The following STIL variants were observed in gnomAD, a reference collection of about 807,000 sequenced individuals.
STIL encodes the protein SCL-interrupting locus protein.
STIL carries 55 observed loss-of-function variants against 110.1 expected under a neutral mutation model. The observed-to-expected ratio is 0.50, with a 90% confidence interval of 0.40 to 0.63. The LOEUF (loss-of-function observed/expected upper bound fraction) is 0.63, where lower values mean the gene tolerates loss of function less well. Among genes scored for constraint, STIL ranks in the 20% least tolerant of loss-of-function variants. The pLI is 0.00. For missense variants in STIL, 1,358 were observed against 1,530.0 expected (o/e 0.89, Z 1.87); for synonymous variants, 481 against 530.0 (o/e 0.91, Z 1.27).
chr1:47,282,304 C>G (rs1022435937), intron 11 of STIL, 41 bp downstream of exon 11: 5 of 1,330,756 alleles, frequency 3.8e-6, no homozygotes, highest in Non-Finnish European at 5.4e-6. Flanking sequence ...AGACTTAGGT[C>G]TCTAACCACA....
intron 13 of STIL, 64 bp downstream of exon 13, chr1:47,272,012 A>T (rs939080560): frequency 1.3e-6 from 2 of 1,563,758 alleles, no homozygotes; most frequent in African/African-American, 1.4e-5. Context: ...CATAAAATTC[A>T]AAAACCAGAT....
chr1:47,285,258 C>T (rs997945461), intron 10 of STIL, among the ~76,000 whole-genome samples: 4 of 152,066 alleles, frequency 2.6e-5, no homozygotes, highest in African/African-American at 9.7e-5. Context: ...TCTCGAACTC[C>T]TGAGCTCAAG....
chr1:47,292,341 A>G (rs1645518787), intron 8 of STIL, among the ~76,000 whole-genome samples: 1 of 152,174 alleles, frequency 6.6e-6, no homozygotes. Flanking sequence ...GTCTTTTTGA[A>G]GGGCAATTTG....
intron 10 of STIL, among the ~76,000 whole-genome samples, chr1:47,287,105 G>A (rs542832597): frequency 6.6e-5 from 10 of 152,186 alleles, no homozygotes; most frequent in Admixed American, 1.3e-4. Flanking sequence ...GTTCACACAC[G>A]TGATCCCAGC....
rs3125630 is a variant in STIL, at chr1:47,302,242, G to A, written c.257C>T (p.Ala86Val). ...SSCFLLGSLT[A>V]DEDEEGVTLT... ...TTTTAAAAGTGTATTACCTTCGTCTGCTGTCAGAGAACCAAGTAAAAAGCA... is the reference window on the plus strand; with the variant it reads ...TTTTAAAAGTGTATTACCTTCGTCTACTGTCAGAGAACCAAGTAAAAAGCA... The change falls in exon 4 of 17, where the codon GCA becomes GTA. Residue 86 changes from alanine (A) to valine (V), a missense_variant. By Grantham distance (64) the Ala-to-Val change is moderately conservative. Transcript: ENST00000371877. 0.5 allele frequency: 805,467 copies of A among 1,606,720 alleles called. 208,945 individuals are homozygous for A. The highest frequency in any genetic ancestry group is 0.84 in the African/African-American group (62,775 of 74,808).
rs1277764959 is a variant in STIL, at chr1:47,270,249, T to TACAC, written c.2384-384_2384-383insGTGT. Among the ~76,000 whole-genome samples, 537 of 75,198 alleles carry TACAC rather than the reference T, an allele frequency of 7.1e-3. 2 individuals are homozygous for TACAC. Among genetic ancestry groups the TACAC allele is most frequent in the Non-Finnish European group, 8.4e-3 (279 of 33,164 alleles). The allele number at this position is 75,198 out of a possible 152,430, so 49.3% of individuals were successfully genotyped here. The stretch of plus-strand genomic sequence containing the variant: ...GCTCAAAAAAAAAAAAAAATATATA[T>TACAC]ATATATACACACACACACACACACA... On this transcript the variant is annotated intron_variant, in intron 13 of 16. Coordinates refer to ENST00000371877, the MANE Select transcript of STIL (RefSeq NM_001048166.1).
chr1:47,313,711 T>C (rs979915104), intron 1 of STIL, among the ~76,000 whole-genome samples: 2 of 152,192 alleles, frequency 1.3e-5, no homozygotes, highest in African/African-American at 4.8e-5. Context: ...ACTGATCCCT[T>C]ACTACGTAGC....
chr1:47,251,354 C>T lies in STIL; in HGVS notation c.3649G>A (p.Ala1217Thr). Residue 1217 changes from alanine (A) to threonine (T), a missense_variant, in exon 17 of 17, where the codon GCT becomes ACT. By Grantham distance (58) the Ala-to-Thr change is moderately conservative (BLOSUM62 0). Coordinates refer to ENST00000371877, the MANE Select transcript of STIL (RefSeq NM_001048166.1). ...KAKQQLTEKP[A>T]FLVKNLKPSP... ...GGTTTAAGGTTCTTTACTAAGAAAG[C>T]TGGCTTTTCAGTCAACTGCTGTTTT... 1 of 1,614,208 alleles carries T rather than the reference C, an allele frequency of 6.2e-7. No homozygotes were observed. Among genetic ancestry groups the T allele is most frequent in the Non-Finnish European group, 8.5e-7 (1 of 1,180,036 alleles).
chr1:47,289,596 A>T lies in STIL; in HGVS notation c.873-11T>A, dbSNP rs1382701161. 3.7e-6 allele frequency: 6 copies of T among 1,608,834 alleles called. No individual in the cohort carries two copies. The highest frequency in any genetic ancestry group is 5.1e-6 in the Non-Finnish European group (6 of 1,175,520). The stretch of plus-strand genomic sequence containing the variant: ...GATTCTGAAAAAACCCTGCACAAAA[A>T]AAGTCATTTAATTAAAATTTAATGA... On this transcript the variant is annotated splice_polypyrimidine_tract_variant and intron_variant, in intron 8 of 16. Transcript: ENST00000371877.
chr1:47,311,089 G>A (rs958801505), intron 1 of STIL, among the ~76,000 whole-genome samples: 4 of 151,494 alleles, frequency 2.6e-5, no homozygotes, highest in Admixed American at 6.6e-5. Context: ...CTCGTGATCC[G>A]CCCACCTTGG....
chr1:47,309,687 T>C (rs148082624), intron 2 of STIL, among the ~76,000 whole-genome samples: 2 of 152,174 alleles, frequency 1.3e-5, no homozygotes, highest in African/African-American at 4.8e-5. Flanking sequence ...AAGAGCCAAA[T>C]AATACAAGCT....
rs1645042616 is a variant in STIL, at chr1:47,278,134, G to A, written c.2217+2107C>T. Among the ~76,000 whole-genome samples, 4 of 152,140 alleles carry A rather than the reference G, an allele frequency of 2.6e-5. No individual in the cohort carries two copies. The South Asian group carries it at 8.3e-4, about 31-fold the overall frequency. On this transcript the variant is annotated intron_variant, in intron 12 of 16. Coordinates refer to ENST00000371877, the MANE Select transcript of STIL (RefSeq NM_001048166.1). ...ACAGTTTTACTTCTAGGAATCTATAGTATAGAGATACTTGCACATAGGTAG... is the reference window on the plus strand; with the variant it reads ...ACAGTTTTACTTCTAGGAATCTATAATATAGAGATACTTGCACATAGGTAG...
chr1:47,287,706 C>T (rs755911049), intron 9 of STIL, 46 bp from the exon 10 acceptor site: 30 of 1,415,162 alleles, frequency 2.1e-5, no homozygotes, highest in Middle Eastern at 1.8e-4. Context: ...TAAATAAGAA[C>T]ACCAGAGAAT....
chr1:47,308,534 C>T (rs1646032615), intron 2 of STIL, among the ~76,000 whole-genome samples: 1 of 151,606 alleles, frequency 6.6e-6, no homozygotes, highest in African/African-American at 2.4e-5. Flanking sequence ...TTCACGTTTT[C>T]GCTTATTTGT....
At chr1:47,251,970 T>C (rs1308487642) in intron 16 of STIL, 48 bp from the exon 17 acceptor site, 1 of 1,564,190 alleles carries the variant, frequency 6.4e-7, no homozygotes, top group Admixed American at 1.8e-5. Flanking sequence ...TTCTAAGTAA[T>C]ACATAGTTCT....
At chr1:47,311,724 T>C (rs1646131678) in intron 1 of STIL, among the ~76,000 whole-genome samples, 1 of 152,194 alleles carries the variant, frequency 6.6e-6, no homozygotes, top group Admixed American at 6.6e-5. Flanking sequence ...CCTTAGGTCC[T>C]GCACATTCTG....
intron 2 of STIL, chr1:47,305,279 C>A (rs1645923228): frequency 1.9e-5 from 6 of 310,988 alleles, no homozygotes; most frequent in Non-Finnish European, 3.6e-5. Context: ...GAGTGCACCA[C>A]CACACCCGGC....
chr1:47,296,822 A>G (rs901418130), intron 6 of STIL, among the ~76,000 whole-genome samples: 1 of 152,136 alleles, frequency 6.6e-6, no homozygotes, highest in Non-Finnish European at 1.5e-5. Flanking sequence ...TCAAAAACAG[A>G]AAACAAAAAC....
intron 16 of STIL, among the ~76,000 whole-genome samples, chr1:47,257,977 A>G (rs1287674772): frequency 6.6e-5 from 10 of 152,262 alleles, no homozygotes; most frequent in Admixed American, 2.0e-4. Context: ...TTACTCTTTC[A>G]GAAAGCAACT....
Sources: allele counts gnomAD v4.1 joint callset (sites outside exome capture counted in the v4.1 genomes callset), GRCh38; gene constraint gnomAD v4.1.1; transcripts MANE v1.5; gene names NCBI Gene and HGNC (gene_info 2026-07-23, HGNC 2026-07-21).